QSOX2: variants seen among roughly 807,000 people sequenced by gnomAD.
The protein encoded by QSOX2 is sulfhydryl oxidase 2.
QSOX2 carries 46 observed loss-of-function variants against 61.7 expected under a neutral mutation model. The ratio of observed to expected loss-of-function variants is 0.75; its 90% CI spans 0.59 to 0.95. The LOEUF (loss-of-function observed/expected upper bound fraction) is 0.95, where lower values mean the gene tolerates loss of function less well. Among genes scored for constraint, QSOX2 ranks in the 40% least tolerant of loss-of-function variants. The pLI is 0.00. For synonymous variants in QSOX2, 383 were observed against 388.4 expected (o/e 0.99, Z 0.16); for missense variants, 879 against 918.9 (o/e 0.96, Z 0.56).
chr9:136,226,737 G>T, intron 2 of QSOX2, 37 bp downstream of exon 2: 1 of 1,529,182 alleles, frequency 6.5e-7, no homozygotes. Flanking sequence ...GGGGTAGAAG[G>T]TGAATTTCAA....
intron 1 of QSOX2, among the ~76,000 whole-genome samples, chr9:136,230,691 T>A (rs1018013811): frequency 6.6e-6 from 1 of 152,346 alleles, no homozygotes; most frequent in East Asian, 1.9e-4. Context: ...TACTCTTCCA[T>A]GATAAGCCAG....
chr9:136,216,018 G>A (rs1216182744), intron 9 of QSOX2, among the ~76,000 whole-genome samples: 4 of 149,526 alleles, frequency 2.7e-5, no homozygotes, highest in Non-Finnish European at 4.5e-5. Flanking sequence ...ATCACGGCAC[G>A]ACAAGTGCAC....
intron 2 of QSOX2, among the ~76,000 whole-genome samples, chr9:136,226,100 C>A (rs1254078001): frequency 6.6e-6 from 1 of 152,238 alleles, no homozygotes; most frequent in African/African-American, 2.4e-5. Context: ...TGACACCACA[C>A]CACACAGCAA....
chr9:136,237,278 C>T (rs1338744296), intron 1 of QSOX2, among the ~76,000 whole-genome samples: 1 of 136,818 alleles, frequency 7.3e-6, no homozygotes, highest in African/African-American at 2.8e-5. Flanking sequence ...ACCTGGAGCC[C>T]GTCCTGGGCC....
chr9:136,228,191 C>T (rs1343280611), intron 1 of QSOX2, among the ~76,000 whole-genome samples: 3 of 152,168 alleles, frequency 2.0e-5, no homozygotes, highest in Non-Finnish European at 4.4e-5. Flanking sequence ...CAAGCGACGC[C>T]TCTCTCCTTA....
At chr9:136,214,487 C>T (rs1831885136) in intron 10 of QSOX2, among the ~76,000 whole-genome samples, 4 of 152,208 alleles carry the variant, frequency 2.6e-5, no homozygotes, top group Admixed American at 6.5e-5. Context: ...TGATGTGAGC[C>T]GCCCGATGGA....
intron 1 of QSOX2, among the ~76,000 whole-genome samples, chr9:136,241,157 A>T (rs1043359073): frequency 1.3e-5 from 2 of 152,132 alleles, no homozygotes; most frequent in African/African-American, 4.8e-5. Flanking sequence ...CCTTTCTGTA[A>T]AATACTCATG....
In QSOX2 at chr9:136,222,047, G is replaced by T; in HGVS notation, c.676-106C>A. On this transcript the variant is annotated intron_variant, in intron 5 of 11. Transcript: ENST00000358701. This position sits in a 1 kb window ranked among gnomAD's most constrained non-coding sequence, Gnocchi z 6.9. ...CAGGGAACCTTTCACAAAAGGGCAT[G>T]AAGTCTGTCCCCCTGCAGGCAAGAC... 1 of 1,212,594 alleles carries T rather than the reference G, an allele frequency of 8.2e-7. No homozygotes were observed. The highest frequency in any genetic ancestry group is 1.1e-6 in the Non-Finnish European group (1 of 895,828). 75.1% of individuals were successfully genotyped at this position (1,212,594 alleles called of 1,614,324 possible). A position where few individuals can be genotyped will look rare whatever the true frequency, so the allele number is the denominator to read the frequency against.
At chr9:136,224,717 C>T (rs1830262968) in intron 3 of QSOX2, 144 bp downstream of exon 3, 2 of 522,678 alleles carry the variant, frequency 3.8e-6, no homozygotes, top group Non-Finnish European at 6.9e-6. Flanking sequence ...AATATCTGAA[C>T]TCTTAAGGGA....
chr9:136,227,683 G>A (rs2131061114), intron 1 of QSOX2, among the ~76,000 whole-genome samples: 1 of 152,270 alleles, frequency 6.6e-6, no homozygotes, highest in South Asian at 2.1e-4. Context: ...TCTGAAAGAT[G>A]AAGGCTCTCC....
intron 1 of QSOX2, among the ~76,000 whole-genome samples, chr9:136,243,633 T>A (rs936942967): frequency 6.6e-6 from 1 of 152,254 alleles, no homozygotes. Flanking sequence ...TCTTAGGACC[T>A]CTTGACACTG....
intron 1 of QSOX2, among the ~76,000 whole-genome samples, chr9:136,241,166 T>C (rs961248293): frequency 6.6e-5 from 10 of 152,252 alleles, no homozygotes; most frequent in South Asian, 2.1e-4. Flanking sequence ...AAAATACTCA[T>C]GTGGTCGCCA....
intron 1 of QSOX2, among the ~76,000 whole-genome samples, chr9:136,228,982 T>C (rs11103390): frequency 0.27 from 41,178 of 152,112 alleles, 5,546 homozygotes; most frequent in Admixed American, 0.34. Flanking sequence ...CACCAGACTC[T>C]GTACAAATAT....
At chr9:136,240,295 C>T (rs1830424166) in intron 1 of QSOX2, among the ~76,000 whole-genome samples, 1 of 152,234 alleles carries the variant, frequency 6.6e-6, no homozygotes, top group Non-Finnish European at 1.5e-5. Flanking sequence ...TGTCAAATAA[C>T]TCTAATACTG....
intron 8 of QSOX2, 122 bp from the exon 9 acceptor site, chr9:136,216,844 G>A (rs1831920212): frequency 8.0e-7 from 1 of 1,253,958 alleles, no homozygotes; most frequent in African/African-American, 1.5e-5. Context: ...CCTAGGATGG[G>A]GCCTCTCATA....
chr9:136,230,257 G>A lies in QSOX2; in HGVS notation c.329-3383C>T, dbSNP rs191731672. Among the ~76,000 whole-genome samples the A allele has an allele frequency of 1.4e-4, 21 of 152,252 alleles. No homozygotes were observed. The East Asian group carries it at 3.3e-3, about 24-fold the overall frequency. The stretch of plus-strand genomic sequence containing the variant: ...TAGCGCCACTGCACTCCAGCCTGGC[G>A]CCAGAGCGAGACTCTATCTCAAAAA... On this transcript the variant is annotated intron_variant, in intron 1 of 11. Coordinates refer to ENST00000358701, the MANE Select transcript of QSOX2 (RefSeq NM_181701.4).
rs1831819908 is a variant in QSOX2 at position 136,209,468 on chromosome 9, C to T, written c.1550-193G>A. On this transcript the variant is annotated intron_variant, in intron 11 of 11. Transcript: ENST00000358701. This position sits in a 1 kb window ranked among gnomAD's most constrained non-coding sequence, Gnocchi z 5.6. ...GTTCGGCCCAGATAACATCCTGCTT[C>T]TGCAGGCCCCTGCGCACGTGTTCCC... 1.0e-6 allele frequency: 1 copy of T among 985,316 alleles called. No individual in the cohort carries two copies. The allele number at this position is 985,316 out of a possible 1,614,324, so 61.0% of individuals were successfully genotyped here. A position where few individuals can be genotyped will look rare whatever the true frequency, so the allele number is the denominator to read the frequency against.
chr9:136,238,801 C>T (rs1419543188), intron 1 of QSOX2, among the ~76,000 whole-genome samples: 5 of 152,252 alleles, frequency 3.3e-5, no homozygotes, highest in Non-Finnish European at 5.9e-5. Flanking sequence ...CCTGCATCTG[C>T]CTGCTGCCGG....
chr9:136,232,030 C>G (rs1830336352), intron 1 of QSOX2, among the ~76,000 whole-genome samples: 1 of 152,124 alleles, frequency 6.6e-6, no homozygotes, highest in African/African-American at 2.4e-5. Flanking sequence ...AACAGGGAGG[C>G]AGAGGAAACT....
Sources: gnomAD v4.1 joint callset for allele counts (sites outside exome capture counted in the v4.1 genomes callset) on GRCh38, gnomAD v4.1.1 for gene constraint, Gnocchi (gnomAD v3.1) non-coding constraint, MANE v1.5 for transcripts, NCBI Gene and HGNC (gene_info 2026-07-23, HGNC 2026-07-21) for gene names.